RNF2: variants seen among roughly 807,000 people sequenced by gnomAD.
The protein encoded by RNF2 is ring finger protein 2.
A neutral mutation model predicts 37.2 loss-of-function variants in RNF2; 6 were observed. The ratio of observed to expected loss-of-function variants is 0.16; its 90% CI spans 0.09 to 0.32. The LOEUF is 0.32. RNF2 is among the 10% of genes least tolerant of loss of function. The pLI is 1.00. For missense variants in RNF2, 251 were observed against 404.0 expected, an observed-to-expected ratio of 0.62 and a Z score of 3.25; for synonymous variants, 133 against 132.7, an observed-to-expected ratio of 1.00 and a Z score of -0.02.
chr1:185,075,460 T>C (rs1327302516), intron 1 of RNF2, among the ~76,000 whole-genome samples: 1 of 152,234 alleles, frequency 6.6e-6, no homozygotes, highest in Non-Finnish European at 1.5e-5. Context: ...AATTCCTGTT[T>C]CTGCACACAC....
intron 1 of RNF2, among the ~76,000 whole-genome samples, chr1:185,056,498 A>AT (rs1650438958): frequency 6.6e-6 from 1 of 150,628 alleles, no homozygotes. Flanking sequence ...AGGTGGAACT[A>AT]TAGGTGTCTA....
intron 3 of RNF2, 62 bp from the exon 4 acceptor site, chr1:185,092,999 T>A (rs1325079784): frequency 7.6e-6 from 11 of 1,438,188 alleles, no homozygotes; most frequent in Non-Finnish European, 1.1e-5. Flanking sequence ...AGCTGGGTAT[T>A]TTTGTCTTTA....
At chr1:185,072,460 T>G (rs1651005994) in intron 1 of RNF2, among the ~76,000 whole-genome samples, 1 of 152,072 alleles carries the variant, frequency 6.6e-6, no homozygotes, top group South Asian at 2.1e-4. Context: ...AAAAGTGCTA[T>G]GGTTAAGAAA....
At chr1:185,073,059 C>CTT (rs5779240) in intron 1 of RNF2, among the ~76,000 whole-genome samples, 5 of 136,970 alleles carry the variant, frequency 3.7e-5, no homozygotes, top group Admixed American at 7.2e-5. Context: ...CTACGACTTG[C>CTT]TTTTTTTTTT....
rs1307073318 is a variant in RNF2 at position 185,089,149 on chromosome 1, T to C, written c.87+1509T>C. On this transcript the variant is annotated intron_variant, in intron 2 of 6. Transcript: ENST00000367510. ...TAAGGAGCATGCAGTCTAGATCCGTTGCATGTGCAGTTCTCAATAGGGTTC... is the reference window on the plus strand; with the variant it reads ...TAAGGAGCATGCAGTCTAGATCCGTCGCATGTGCAGTTCTCAATAGGGTTC... Among the ~76,000 whole-genome samples, 3 of 152,268 alleles carry C rather than the reference T, an allele frequency of 2.0e-5. No individual in the cohort carries two copies. The East Asian group carries it at 5.8e-4, about 29-fold the overall frequency.
intron 1 of RNF2, among the ~76,000 whole-genome samples, chr1:185,066,809 A>G (rs1269739096): frequency 1.3e-5 from 2 of 152,164 alleles, no homozygotes; most frequent in East Asian, 3.9e-4. Flanking sequence ...GGGCTATTAA[A>G]GTATCTATGT....
intron 1 of RNF2, among the ~76,000 whole-genome samples, chr1:185,051,091 C>T (rs574980365): frequency 1.3e-5 from 2 of 152,108 alleles, no homozygotes; most frequent in Non-Finnish European, 2.9e-5. Context: ...TGCTTGTTTC[C>T]CACACCATTC....
intron 1 of RNF2, among the ~76,000 whole-genome samples, chr1:185,060,482 T>G (rs2102160226): frequency 6.6e-6 from 1 of 152,308 alleles, no homozygotes; most frequent in African/African-American, 2.4e-5. Context: ...ACTCAAAATT[T>G]TTCTGTTCTG....
At chr1:185,064,447 C>T (rs915670225) in intron 1 of RNF2, among the ~76,000 whole-genome samples, 1 of 152,142 alleles carries the variant, frequency 6.6e-6, no homozygotes, top group Non-Finnish European at 1.5e-5. Context: ...GTTCGACTTA[C>T]GATTTTTCAA....
At chr1:185,051,347 T>TCTAGG (rs1217167344) in intron 1 of RNF2, among the ~76,000 whole-genome samples, 1 of 152,214 alleles carries the variant, frequency 6.6e-6, no homozygotes, top group African/African-American at 2.4e-5. Context: ...AGACTTGGTT[T>TCTAGG]CTAGGTCTGG....
chr1:185,086,360 G>GT (rs972064832), intron 1 of RNF2, among the ~76,000 whole-genome samples: 64 of 151,960 alleles, frequency 4.2e-4, no homozygotes, highest in African/African-American at 8.9e-4. Context: ...ACAAGAGTGA[G>GT]TTTTTTTTAT....
At chr1:185,048,660 G>A (rs1650183197) in intron 1 of RNF2, among the ~76,000 whole-genome samples, 1 of 151,948 alleles carries the variant, frequency 6.6e-6, no homozygotes. Flanking sequence ...TGTTACTTAC[G>A]GGCTCTTCTG....
intron 1 of RNF2, among the ~76,000 whole-genome samples, chr1:185,064,669 A>G (rs1438991723): frequency 6.7e-6 from 1 of 149,660 alleles, no homozygotes; most frequent in African/African-American, 2.5e-5. Flanking sequence ...GTCAACGAGC[A>G]TCTTTATTGT....
Position 185,100,999 on chromosome 1 carries a change from G to A in RNF2, c.*698G>A, listed in dbSNP as rs1429353358. ...AAGTTCTATGAGAACTTGGTTCATTGACATATTCTGCTGAAGAAAGAAAAA... is the reference window on the plus strand; with the variant it reads ...AAGTTCTATGAGAACTTGGTTCATTAACATATTCTGCTGAAGAAAGAAAAA... On this transcript the variant is annotated 3_prime_UTR_variant, in exon 7 of 7. Transcript: ENST00000367510. The A allele has an allele frequency of 6.6e-6, 1 of 152,026 alleles. No individual in the cohort carries two copies. The highest frequency in any genetic ancestry group is 1.9e-4 in the East Asian group (1 of 5,182). 9.4% of individuals were successfully genotyped at this position (152,026 alleles called of 1,614,324 possible). A position where few individuals can be genotyped will look rare whatever the true frequency, so the allele number is the denominator to read the frequency against.
chr1:185,077,625 G>GTA (rs1651209386), intron 1 of RNF2, among the ~76,000 whole-genome samples: 1 of 115,696 alleles, frequency 8.6e-6, no homozygotes, highest in South Asian at 2.7e-4. Flanking sequence ...AATTAACTTT[G>GTA]TTTTTTTTTT....
At chr1:185,070,573 GT>G (rs1363057671) in intron 1 of RNF2, among the ~76,000 whole-genome samples, 1 of 151,054 alleles carries the variant, frequency 6.6e-6, no homozygotes, top group Non-Finnish European at 1.5e-5. Context: ...ATTATCCTCA[GT>G]TTTTTTCACA....
intron 1 of RNF2, among the ~76,000 whole-genome samples, chr1:185,085,303 C>T (rs990793087): frequency 1.8e-4 from 28 of 151,858 alleles, no homozygotes; most frequent in Middle Eastern, 3.4e-3. Flanking sequence ...CGCCCGCCAC[C>T]GTGCCCAGCT....
At chr1:185,060,541 G>A (rs1460434331) in intron 1 of RNF2, among the ~76,000 whole-genome samples, 2 of 152,160 alleles carry the variant, frequency 1.3e-5, no homozygotes, top group Non-Finnish European at 2.9e-5. Context: ...GAGGGCACTC[G>A]GAGAATTAAA....
chr1:185,073,978 A>G (rs182972292), intron 1 of RNF2, among the ~76,000 whole-genome samples: 1 of 152,206 alleles, frequency 6.6e-6, no homozygotes, highest in African/African-American at 2.4e-5. Context: ...CCCATGCCTC[A>G]TGTACTTCTG....
Sources: allele counts gnomAD v4.1 joint callset (sites outside exome capture counted in the v4.1 genomes callset), GRCh38; gene constraint gnomAD v4.1.1; transcripts MANE v1.5; gene names NCBI Gene and HGNC (gene_info 2026-07-23, HGNC 2026-07-21).